RYR3: variants seen among roughly 807,000 people sequenced by gnomAD.
RYR3 encodes the protein ryanodine receptor 3.
Under a neutral mutation model 584.3 loss-of-function variants are expected in RYR3, and 207 were observed. The ratio of observed to expected loss-of-function variants is 0.35; its 90% CI spans 0.32 to 0.40. RYR3 has a LOEUF of 0.40. Ranked by LOEUF, RYR3 falls within the 10% of genes least tolerant of loss-of-function variation. The pLI, the probability that RYR3 is intolerant of heterozygous loss-of-function variation, is 1.00. For synonymous variants in RYR3, 2,416 were observed against 2,248.5 expected (o/e 1.07, Z -2.11); for missense variants, 5,616 against 6,089.2 (o/e 0.92, Z 2.59).
At chr15:33,343,997 AG>A (rs1319686874) in intron 1 of RYR3, among the ~76,000 whole-genome samples, 15 of 152,372 alleles carry the variant, frequency 9.8e-5, no homozygotes, top group African/African-American at 3.4e-4. Context: ...TTTAAGATTA[AG>A]AAAAAAATCT....
chr15:33,427,966 CCTT>C (rs1278131032), intron 1 of RYR3, among the ~76,000 whole-genome samples: 2 of 152,174 alleles, frequency 1.3e-5, no homozygotes, highest in African/African-American at 2.4e-5. Context: ...TTCTGAAATC[CCTT>C]CTTCTCCCAG....
intron 21 of RYR3, 51 bp downstream of exon 21, chr15:33,628,626 C>A: frequency 8.6e-7 from 1 of 1,162,606 alleles, no homozygotes; most frequent in South Asian, 1.2e-5. Flanking sequence ...GCCTTGTTGC[C>A]TGGAACTGTT....
chr15:33,795,901 A>G (rs927675574), intron 67 of RYR3, among the ~76,000 whole-genome samples: 11 of 152,086 alleles, frequency 7.2e-5, no homozygotes, highest in Admixed American at 2.0e-4. Flanking sequence ...AATATTTGGA[A>G]CTTAGCATTG....
chr15:33,573,414 G>A (rs1413464343), intron 12 of RYR3, among the ~76,000 whole-genome samples: 2 of 152,148 alleles, frequency 1.3e-5, no homozygotes, highest in Non-Finnish European at 2.9e-5. Flanking sequence ...TAAGGGAATA[G>A]GGAAGGAACA....
At chr15:33,514,132 TTG>T (rs1481008416) in intron 3 of RYR3, among the ~76,000 whole-genome samples, 3 of 152,228 alleles carry the variant, frequency 2.0e-5, no homozygotes, top group African/African-American at 7.2e-5. Flanking sequence ...ACCTCTTTCT[TTG>T]TGGATAACTA....
At position 33,390,131 on chromosome 15, in the gene RYR3, A is replaced by T. The variant is rs2041897408; in HGVS notation, c.51+79035A>T. Among the ~76,000 whole-genome samples the T allele has an allele frequency of 6.6e-6, 1 of 152,192 alleles. No individual in the cohort carries two copies. The highest frequency in any genetic ancestry group is 6.5e-5 in the Admixed American group (1 of 15,282). On this transcript the variant is annotated intron_variant, in intron 1 of 103. Coordinates refer to ENST00000634891, the MANE Select transcript of RYR3 (RefSeq NM_001036.6). The surrounding 1 kb of genome is among the most constrained non-coding windows in gnomAD (Gnocchi z 4.2). ...ATTGGCTTCACTGCTGGAAATCTGT[A>T]CTGTTATTCCAAGCAGAGTCTCGCT...
chr15:33,503,617 T>G lies in RYR3; in HGVS notation c.172-14T>G. ...ATATGAGTAGGTATCCTCATTCTGA[T>G]TTTATTTCCACAGTACATTCCTCCA... On this transcript the variant is annotated splice_polypyrimidine_tract_variant and intron_variant, in intron 2 of 103. Transcript: ENST00000634891. 3 of 1,535,158 alleles carry G rather than the reference T, an allele frequency of 2.0e-6. No individual in the cohort carries two copies. Among genetic ancestry groups the G allele is most frequent in the Non-Finnish European group, 2.7e-6 (3 of 1,112,494 alleles).
intron 42 of RYR3, among the ~76,000 whole-genome samples, chr15:33,706,505 T>C (rs1278588339): frequency 6.6e-6 from 1 of 152,242 alleles, no homozygotes; most frequent in East Asian, 1.9e-4. Context: ...TTTTTGTGAC[T>C]GGCTTATTTC....
At chr15:33,334,009 C>A (rs1970670887) in intron 1 of RYR3, among the ~76,000 whole-genome samples, 1 of 152,108 alleles carries the variant, frequency 6.6e-6, no homozygotes, top group Admixed American at 6.5e-5. Flanking sequence ...AAAACTACAA[C>A]CACTGCTCAA....
chr15:33,460,911 T>C (rs2047971779), intron 1 of RYR3, among the ~76,000 whole-genome samples: 1 of 146,000 alleles, frequency 6.8e-6, no homozygotes, highest in Non-Finnish European at 1.5e-5. Flanking sequence ...AGCCTTCAAG[T>C]GTGGGAATTT....
chr15:33,678,475 T>C (rs990437112), intron 38 of RYR3, among the ~76,000 whole-genome samples: 1 of 152,228 alleles, frequency 6.6e-6, no homozygotes, highest in African/African-American at 2.4e-5. Context: ...ATGCTTCCTG[T>C]ACAGCCTGCA....
chr15:33,860,974 G>C (rs1166054998), intron 101 of RYR3, 104 bp from the exon 102 acceptor site: 1 of 938,022 alleles, frequency 1.1e-6, no homozygotes, highest in Non-Finnish European at 1.7e-6. Flanking sequence ...AAAAGCATTA[G>C]AAAGAAAGTT....
chr15:33,458,574 C>T (rs2047754065), intron 1 of RYR3, among the ~76,000 whole-genome samples: 2 of 152,216 alleles, frequency 1.3e-5, no homozygotes, highest in South Asian at 4.1e-4. Context: ...ACTAATACAG[C>T]TGCTTTTCTT....
chr15:33,769,838 A>T lies in RYR3; in HGVS notation c.8816+666A>T, dbSNP rs1395815079. Among the ~76,000 whole-genome samples the T allele has an allele frequency of 2.6e-5, 4 of 151,890 alleles. No individual in the cohort carries two copies. The East Asian group carries it at 7.7e-4, about 29-fold the overall frequency. On this transcript the variant is annotated intron_variant, in intron 62 of 103. Coordinates refer to ENST00000634891, the MANE Select transcript of RYR3 (RefSeq NM_001036.6). Reference sequence around the variant, plus strand: ...GTGGTGCATGCCTGTAGTCCCAACTACTCGGGTGGCTGAGGTGGGAGGATG... The same window carrying T: ...GTGGTGCATGCCTGTAGTCCCAACTTCTCGGGTGGCTGAGGTGGGAGGATG...
intron 73 of RYR3, 94 bp downstream of exon 73, chr15:33,813,088 TC>T: frequency 6.7e-7 from 1 of 1,487,118 alleles, no homozygotes; most frequent in Non-Finnish European, 9.2e-7. Context: ...ACAAGTGCCC[TC>T]ATAAGACTGA....
rs542698825 is a variant in RYR3, at chr15:33,570,851, TG to T, written c.1268+4053del. Among the ~76,000 whole-genome samples, 589 of 152,174 alleles carry T rather than the reference TG, an allele frequency of 3.9e-3. 4 individuals carry two copies. The highest frequency in any genetic ancestry group is 0.013 in the African/African-American group (556 of 41,538). On this transcript the variant is annotated intron_variant, in intron 12 of 103. Coordinates refer to ENST00000634891, the MANE Select transcript of RYR3 (RefSeq NM_001036.6). ...GCTACTACAAATATAATTATTTTTTTGATTTCATTTCAGATTATTTTCTGGT... is the reference window on the plus strand; with the variant it reads ...GCTACTACAAATATAATTATTTTTTTATTTCATTTCAGATTATTTTCTGGT...
At chr15:33,624,142 T>C in intron 20 of RYR3, 119 bp downstream of exon 20, 2 of 722,606 alleles carry the variant, frequency 2.8e-6, no homozygotes, top group South Asian at 1.8e-5. Flanking sequence ...TGTTGTATAA[T>C]GTGAACAACT....
At chr15:33,430,023 G>C (rs2044993037) in intron 1 of RYR3, among the ~76,000 whole-genome samples, 2 of 152,260 alleles carry the variant, frequency 1.3e-5, no homozygotes, top group South Asian at 2.1e-4. Context: ...TCTAAGATGA[G>C]AGGGGAAGGA....
Position 33,311,799 on chromosome 15 carries a change from C to T in RYR3, c.51+703C>T, listed in dbSNP as rs374577320. Among the ~76,000 whole-genome samples the T allele has an allele frequency of 1.6e-4, 24 of 152,356 alleles. No homozygotes were observed. The highest frequency in any genetic ancestry group is 1.5e-3 in the East Asian group (8 of 5,176). ...ACAGGGAAACCCCAGTCAGTGGCTC[C>T]GCGTCACTCAGGTCCCCTCCTTGAC... On this transcript the variant is annotated intron_variant, in intron 1 of 103. Transcript: ENST00000634891. The surrounding 1 kb of genome is among the most constrained non-coding windows in gnomAD (Gnocchi z 4.4).
Sources: allele counts gnomAD v4.1 joint callset (sites outside exome capture counted in the v4.1 genomes callset), GRCh38; gene constraint gnomAD v4.1.1; non-coding constraint Gnocchi (gnomAD v3.1); transcripts MANE v1.5; gene names NCBI Gene and HGNC (gene_info 2026-07-23, HGNC 2026-07-21).